GABRB3: variants seen among roughly 807,000 people sequenced by gnomAD.
GABRB3 encodes the protein gamma-aminobutyric acid receptor subunit beta-3.
In GABRB3, 14 loss-of-function variants were observed where a neutral mutation model predicts 52.1. The ratio of observed to expected loss-of-function variants is 0.27; its 90% CI spans 0.18 to 0.42. The LOEUF (loss-of-function observed/expected upper bound fraction) is 0.42, where lower values mean the gene tolerates loss of function less well. Among genes scored for constraint, GABRB3 ranks in the 10% least tolerant of loss-of-function variants. The pLI is 1.00. For missense variants in GABRB3, 307 were observed against 609.1 expected (o/e 0.50, Z 5.22); for synonymous variants, 260 against 232.3 (o/e 1.12, Z -1.08).
At chr15:26,747,612 T>C (rs891559870) in intron 3 of GABRB3, among the ~76,000 whole-genome samples, 1 of 152,224 alleles carries the variant, frequency 6.6e-6, no homozygotes, top group Non-Finnish European at 1.5e-5. Context: ...TCCAGAAGTT[T>C]TTATATAAAT....
At chr15:26,656,284 G>A (rs1231455660) in intron 3 of GABRB3, among the ~76,000 whole-genome samples, 3 of 152,180 alleles carry the variant, frequency 2.0e-5, no homozygotes, top group Non-Finnish European at 4.4e-5. Flanking sequence ...AAACTGTCTA[G>A]TGACTCAGTG....
chr15:26,587,276 C>T (rs957407712), intron 4 of GABRB3, among the ~76,000 whole-genome samples: 26 of 152,262 alleles, frequency 1.7e-4, no homozygotes, highest in African/African-American at 5.8e-4. Flanking sequence ...AAAGTAGACA[C>T]ATCTACTCAC....
chr15:26,627,849 C>T (rs1307617983), intron 3 of GABRB3, among the ~76,000 whole-genome samples: 2 of 152,210 alleles, frequency 1.3e-5, no homozygotes, highest in African/African-American at 4.8e-5. Flanking sequence ...AGAGGACTGA[C>T]TTCAATTTTG....
intron 3 of GABRB3, among the ~76,000 whole-genome samples, chr15:26,691,339 C>T (rs916034907): frequency 2.6e-5 from 4 of 151,962 alleles, no homozygotes; most frequent in African/African-American, 7.2e-5. Flanking sequence ...GATGCAAAGA[C>T]GGGGAAGAAA....
At chr15:26,610,542 G>A (rs1482831104) in intron 4 of GABRB3, among the ~76,000 whole-genome samples, 1 of 152,154 alleles carries the variant, frequency 6.6e-6, no homozygotes, top group Non-Finnish European at 1.5e-5. Context: ...TTATAATACT[G>A]TTTGACCCCA....
intron 3 of GABRB3, among the ~76,000 whole-genome samples, chr15:26,647,070 C>T (rs1347126230): frequency 6.6e-6 from 1 of 152,170 alleles, no homozygotes; most frequent in Admixed American, 6.5e-5. Context: ...GTCTCGATCT[C>T]TTGACCTCGT....
chr15:26,688,289 G>A (rs1888470265), intron 3 of GABRB3, among the ~76,000 whole-genome samples: 2 of 152,210 alleles, frequency 1.3e-5, no homozygotes, highest in Non-Finnish European at 2.9e-5. Flanking sequence ...GCAAATGCCA[G>A]CCGTGTGCCC....
At chr15:26,709,294 G>C (rs1445507027) in intron 3 of GABRB3, among the ~76,000 whole-genome samples, 1 of 152,056 alleles carries the variant, frequency 6.6e-6, no homozygotes, top group Non-Finnish European at 1.5e-5. Context: ...GGCAAGGAGT[G>C]AGTTCTCACT....
intron 3 of GABRB3, among the ~76,000 whole-genome samples, chr15:26,768,195 A>AG (rs761969093): frequency 1.9e-4 from 29 of 152,162 alleles, no homozygotes; most frequent in Non-Finnish European, 3.5e-4. Context: ...ACATGAAATG[A>AG]GAAAAAAAAA....
intron 3 of GABRB3, among the ~76,000 whole-genome samples, chr15:26,684,855 C>T (rs888275482): frequency 6.6e-6 from 1 of 152,118 alleles, no homozygotes; most frequent in Non-Finnish European, 1.5e-5. Flanking sequence ...CACAGGTCAC[C>T]ATGACAGACA....
chr15:26,606,131 T>C (rs1891782628), intron 4 of GABRB3, among the ~76,000 whole-genome samples: 1 of 152,048 alleles, frequency 6.6e-6, no homozygotes, highest in Non-Finnish European at 1.5e-5. Context: ...ACACTGGAGA[T>C]TACAATTCAA....
In GABRB3 at chr15:26,571,920, T is replaced by C. The variant is rs562890304; in HGVS notation, c.683-4187A>G. Among the ~76,000 whole-genome samples, 4 of 151,530 alleles carry C rather than the reference T, an allele frequency of 2.6e-5. No individual in the cohort carries two copies. In the East Asian group the frequency reaches 7.8e-4, roughly 30 times the overall value. On this transcript the variant is annotated intron_variant, in intron 6 of 8. Coordinates refer to ENST00000311550, the MANE Select transcript of GABRB3 (RefSeq NM_000814.6). ...AAAATTAGCCAGGCGTGGTGGCGGG[T>C]GCCTATAATCCCAGCACTCAAGAGG...
chr15:26,567,856 C>G (rs771984657), intron 6 of GABRB3, 123 bp from the exon 7 acceptor site: 43 of 905,030 alleles, frequency 4.8e-5, no homozygotes, highest in Non-Finnish European at 6.8e-5. Flanking sequence ...GGTGACCCAC[C>G]ACCAAGCAGT....
chr15:26,698,055 C>T (rs1262871913), intron 3 of GABRB3, among the ~76,000 whole-genome samples: 1 of 152,226 alleles, frequency 6.6e-6, no homozygotes, highest in Non-Finnish European at 1.5e-5. Context: ...CTCTGTGAAT[C>T]ATGCCCAGCA....
At chr15:26,723,783 C>T (rs976951376) in intron 3 of GABRB3, among the ~76,000 whole-genome samples, 1 of 152,196 alleles carries the variant, frequency 6.6e-6, no homozygotes, top group African/African-American at 2.4e-5. Flanking sequence ...CCACATTTCT[C>T]TCTGATTATC....
At chr15:26,552,861 A>T (rs757615404) in intron 8 of GABRB3, among the ~76,000 whole-genome samples, 2 of 152,088 alleles carry the variant, frequency 1.3e-5, no homozygotes, top group Non-Finnish European at 2.9e-5. Flanking sequence ...GGTTCAACCA[A>T]TGTGTTCCTG....
upstream of GABRB3, chr15:26,773,149 G>A: frequency 2.6e-6 from 1 of 379,040 alleles, no homozygotes; most frequent in African/African-American, 2.2e-5. Context: ...CGGGGAGGGA[G>A]GAGCGCGCGC....
intron 3 of GABRB3, among the ~76,000 whole-genome samples, chr15:26,726,456 C>T (rs1268996062): frequency 6.6e-6 from 1 of 152,122 alleles, no homozygotes; most frequent in African/African-American, 2.4e-5. Context: ...TTTCTGGACC[C>T]GGTTCCAAAC....
At chr15:26,648,424 A>C (rs1887080924) in intron 3 of GABRB3, among the ~76,000 whole-genome samples, 1 of 152,248 alleles carries the variant, frequency 6.6e-6, no homozygotes, top group Non-Finnish European at 1.5e-5. Context: ...ATCACTGTGC[A>C]TGTGGAAGAG....
Sources: allele counts gnomAD v4.1 joint callset (sites outside exome capture counted in the v4.1 genomes callset), GRCh38; gene constraint gnomAD v4.1.1; transcripts MANE v1.5; gene names NCBI Gene and HGNC (gene_info 2026-07-23, HGNC 2026-07-21).